Variants in INSL6 observed in about 807,000 individuals in gnomAD.
The protein encoded by INSL6 is insulin like 6.
A neutral mutation model predicts 9.4 loss-of-function variants in INSL6; 16 were observed. The ratio of observed to expected loss-of-function variants is 1.70; its 90% CI spans 1.15 to 2.59. The LOEUF (loss-of-function observed/expected upper bound fraction) is 2.59. INSL6 is among the 30% of genes most tolerant of loss of function. The pLI is 0.00. For missense variants in INSL6, 391 were observed against 257.3 expected (o/e 1.52, Z -3.56); for synonymous variants, 154 against 96.9 (o/e 1.59, Z -3.46).
At chr9:5,066,683 A>C in the INSL6 span, 3 of 1,581,210 alleles carry the variant, frequency 1.9e-6, no homozygotes, top group Admixed American at 1.7e-5. Flanking sequence ...TTTAGGATGG[A>C]TTTTGCCATT....
At chr9:5,130,140 C>CA (rs893263499) in intron 3 of INSL6, among the ~76,000 whole-genome samples, 150 of 152,130 alleles carry the variant, frequency 9.9e-4, no homozygotes, top group African/African-American at 3.5e-3. Context: ...ATTTACATAG[C>CA]AAATTGCTTA....
At chr9:5,130,853 C>A (rs1394783590) in intron 3 of INSL6, among the ~76,000 whole-genome samples, 1 of 150,708 alleles carries the variant, frequency 6.6e-6, no homozygotes, top group Non-Finnish European at 1.5e-5. Context: ...CTCAGCCTCC[C>A]GCGTAGCTGG....
the INSL6 span, among the ~76,000 whole-genome samples, chr9:4,999,120 C>G: frequency 2.6e-5 from 4 of 152,034 alleles, no homozygotes; most frequent in Admixed American, 6.6e-5. Context: ...CCACCGCACC[C>G]GGGCTCAGGA....
the INSL6 span, among the ~76,000 whole-genome samples, chr9:5,018,319 CT>C: frequency 1.3e-5 from 2 of 151,944 alleles, no homozygotes; most frequent in East Asian, 3.9e-4. Context: ...AGTAATTGTC[CT>C]TTTTGTTTGT....
chr9:5,105,603 C>T, the INSL6 span, among the ~76,000 whole-genome samples: 1 of 152,078 alleles, frequency 6.6e-6, no homozygotes, highest in Non-Finnish European at 1.5e-5. Flanking sequence ...GCCTGCATTG[C>T]CAAGACCATC....
At chr9:5,011,354 T>TA in the INSL6 span, among the ~76,000 whole-genome samples, 1 of 151,682 alleles carries the variant, frequency 6.6e-6, no homozygotes, top group Non-Finnish European at 1.5e-5. Context: ...CCCAGCAAAT[T>TA]AAAAAAAAAT....
the INSL6 span, among the ~76,000 whole-genome samples, chr9:5,027,639 ACTT>A: frequency 6.6e-6 from 1 of 152,176 alleles, no homozygotes; most frequent in African/African-American, 2.4e-5. Flanking sequence ...CCGCAGTAGA[ACTT>A]CTTTGAAAAT....
At chr9:5,185,246 G>C (rs1048756956) in intron 1 of INSL6, 68 bp downstream of exon 1, 53 of 1,592,516 alleles carry the variant, frequency 3.3e-5, no homozygotes, top group Non-Finnish European at 4.3e-5. Flanking sequence ...CTCACCTTCT[G>C]GCAGAGCAAA....
the INSL6 span, among the ~76,000 whole-genome samples, chr9:5,042,178 C>T: frequency 2.0e-5 from 3 of 147,106 alleles, no homozygotes; most frequent in Admixed American, 6.8e-5. Context: ...TCGCCCAGGC[C>T]GGACTGCGGA....
the INSL6 span, among the ~76,000 whole-genome samples, chr9:5,035,382 A>T: frequency 6.6e-6 from 1 of 152,356 alleles, no homozygotes; most frequent in African/African-American, 2.4e-5. Context: ...AACTCATTTT[A>T]TGAGGCCAGC....
the INSL6 span, chr9:5,111,086 G>C: frequency 8.2e-7 from 1 of 1,223,872 alleles, no homozygotes; most frequent in Non-Finnish European, 1.1e-6. Context: ...TCAGGCTCCT[G>C]GGGCAGCGGC....
chr9:5,135,891 C>T (rs904370986), intron 2 of INSL6, among the ~76,000 whole-genome samples: 3 of 151,290 alleles, frequency 2.0e-5, no homozygotes, highest in African/African-American at 7.3e-5. Flanking sequence ...GATTAATAAA[C>T]AAGAAAAGAG....
the INSL6 span, among the ~76,000 whole-genome samples, chr9:5,095,603 GC>G: frequency 9.9e-5 from 15 of 151,912 alleles, no homozygotes; most frequent in Admixed American, 6.6e-5. Flanking sequence ...CTAATGTCTG[GC>G]ATACTTCTCC....
At chr9:5,095,345 T>C in the INSL6 span, among the ~76,000 whole-genome samples, 2 of 152,158 alleles carry the variant, frequency 1.3e-5, no homozygotes, top group Non-Finnish European at 2.9e-5. Flanking sequence ...ATAGTAGTTC[T>C]TACCCCCATC....
intron 1 of INSL6, among the ~76,000 whole-genome samples, chr9:5,181,496 G>A (rs957852441): frequency 6.6e-6 from 1 of 151,994 alleles, no homozygotes; most frequent in African/African-American, 2.4e-5. Flanking sequence ...TTCCTACCGA[G>A]ACCAGAACTA....
the INSL6 span, chr9:5,110,207 C>G: frequency 6.6e-6 from 1 of 152,250 alleles, no homozygotes; most frequent in Non-Finnish European, 1.5e-5. Context: ...CCCTGCTCCA[C>G]TCCAGCACTA....
intron 1 of INSL6, among the ~76,000 whole-genome samples, chr9:5,174,895 G>A (rs1158630313): frequency 6.6e-6 from 1 of 151,312 alleles, no homozygotes; most frequent in African/African-American, 2.4e-5. Flanking sequence ...ATCCTTCTAG[G>A]TGTTCCACAT....
At chr9:5,101,809 CCTGA>C in the INSL6 span, among the ~76,000 whole-genome samples, 1 of 152,134 alleles carries the variant, frequency 6.6e-6, no homozygotes, top group Non-Finnish European at 1.5e-5. Context: ...AGCTGAGGGA[CCTGA>C]CTGTTAGAAA....
At chr9:5,081,943 TACA>T in the INSL6 span, 1 of 1,178,446 alleles carries the variant, frequency 8.5e-7, no homozygotes, top group Non-Finnish European at 1.2e-6. Context: ...GTTCACTTTC[TACA>T]ACATTTTAAG....
Sources: gnomAD v4.1 joint callset for allele counts (sites outside exome capture counted in the v4.1 genomes callset) on GRCh38, gnomAD v4.1.1 for gene constraint, MANE v1.5 for transcripts, NCBI Gene and HGNC (gene_info 2026-07-23, HGNC 2026-07-21) for gene names.